SCAF4: variants seen among roughly 807,000 people sequenced by gnomAD.
SCAF4 encodes the protein SR-related CTD associated factor 4.
A neutral mutation model predicts 129.8 loss-of-function variants in SCAF4; 25 were observed. The ratio of observed to expected loss-of-function variants is 0.19; its 90% CI spans 0.14 to 0.27. The LOEUF (loss-of-function observed/expected upper bound fraction) is 0.27, where lower values mean the gene tolerates loss of function less well. Ranked by LOEUF, SCAF4 falls within the 10% of genes least tolerant of loss-of-function variation. SCAF4 has a pLI of 1.00. For synonymous variants in SCAF4, 551 were observed against 497.7 expected (o/e 1.11, Z -1.43); for missense variants, 1,246 against 1,457.1 (o/e 0.86, Z 2.36).
In SCAF4 at chr21:31,706,379, A is replaced by C. The variant is rs189660432; in HGVS notation, c.31-22T>G. The C allele has an allele frequency of 1.2e-5, 18 of 1,521,474 alleles. No individual in the cohort carries two copies. The East Asian group carries it at 1.8e-4, about 15-fold the overall frequency. 94.2% of individuals were successfully genotyped at this position (1,521,474 alleles called of 1,614,324 possible). A position where few individuals can be genotyped will look rare whatever the true frequency, so the allele number is the denominator to read the frequency against. On this transcript the variant is annotated intron_variant, in intron 1 of 19. Coordinates refer to ENST00000286835, the MANE Select transcript of SCAF4 (RefSeq NM_020706.2). ...AGAGCTTAAAAGACAAAAAACAAAC[A>C]AAAAGTAAAGTTTAACTATTTGGCT...
intron 19 of SCAF4, 33 bp from the exon 20 acceptor site, chr21:31,672,387 C>T (rs1180275307): frequency 6.7e-7 from 1 of 1,499,414 alleles, no homozygotes; most frequent in African/African-American, 1.4e-5. Flanking sequence ...ATGTAAACAC[C>T]ACCGAAGATG....
chr21:31,690,259 C>T lies in SCAF4; in HGVS notation c.1885+538G>A, dbSNP rs1333823737. ...CAACTCTATGGGAGGTCGAGGTGGG[C>T]GGATCATTTGAGGTCAGGAGTTCGA... On this transcript the variant is annotated intron_variant, in intron 15 of 19. Transcript: ENST00000286835. 5.3e-5 allele frequency among the ~76,000 whole-genome samples: 8 copies of T among 152,074 alleles called. No individual in the cohort carries two copies. The South Asian group carries it at 6.2e-4, about 12-fold the overall frequency.
Position 31,696,161 on chromosome 21 carries a change from C to CTGATCCATATTT in SCAF4, c.1008_1019dup (p.Asn337_Gln340dup). The CTGATCCATATTT allele has an allele frequency of 6.2e-7, 1 of 1,613,988 alleles. No individual in the cohort carries two copies. The highest frequency in any genetic ancestry group is 8.5e-7 in the Non-Finnish European group (1 of 1,179,962). ...GTATTCCCATCATTCGTGGCTGAAA[C>CTGATCCATATTT]TGATCCATATTTTGATGCTGTGTGT... is the stretch of plus-strand genomic sequence containing the variant. On this transcript the variant is annotated inframe_insertion, in exon 9 of 20. Transcript: ENST00000286835.
intron 1 of SCAF4, among the ~76,000 whole-genome samples, chr21:31,717,939 A>T (rs1423750683): frequency 7.1e-6 from 1 of 140,118 alleles, no homozygotes; most frequent in Admixed American, 6.9e-5. Context: ...ACACACACAC[A>T]CACACACATA....
rs933399605 is a variant in SCAF4, at chr21:31,714,362, C to T, written c.31-8005G>A. The stretch of plus-strand genomic sequence containing the variant: ...TCCTGCATAAAAATAACAACAGCCC[C>T]TCCAAATACAAGACTTCTTTAGAAG... On this transcript the variant is annotated intron_variant, in intron 1 of 19. Coordinates refer to ENST00000286835, the MANE Select transcript of SCAF4 (RefSeq NM_020706.2). Among the ~76,000 whole-genome samples the T allele has an allele frequency of 2.0e-5, 3 of 152,124 alleles. No individual in the cohort carries two copies. The South Asian group carries it at 6.2e-4, about 31-fold the overall frequency.
At chr21:31,713,889 A>T (rs2123645738) in intron 1 of SCAF4, among the ~76,000 whole-genome samples, 1 of 152,238 alleles carries the variant, frequency 6.6e-6, no homozygotes, top group East Asian at 1.9e-4. Context: ...TATGACCAAC[A>T]TCCAATTTCA....
chr21:31,726,731 C>T (rs973724878), intron 1 of SCAF4, among the ~76,000 whole-genome samples: 2 of 152,166 alleles, frequency 1.3e-5, no homozygotes, highest in African/African-American at 2.4e-5. Context: ...AATTCCTACA[C>T]ATGCGCACCA....
chr21:31,705,842 A>AT (rs1202208071), intron 2 of SCAF4, among the ~76,000 whole-genome samples: 1 of 152,168 alleles, frequency 6.6e-6, no homozygotes, highest in Admixed American at 6.5e-5. Context: ...TGGAGCTTGA[A>AT]TTTTTTCTCT....
intron 1 of SCAF4, among the ~76,000 whole-genome samples, chr21:31,728,807 C>T (rs780173716): frequency 5.9e-5 from 9 of 152,112 alleles, no homozygotes; most frequent in Non-Finnish European, 1.2e-4. Flanking sequence ...CAACTACTTG[C>T]CAAAAATTTC....
intron 19 of SCAF4, among the ~76,000 whole-genome samples, chr21:31,676,382 C>T (rs951535525): frequency 6.6e-6 from 1 of 152,184 alleles, no homozygotes; most frequent in East Asian, 1.9e-4. Context: ...TCATGCCTCA[C>T]AAGGCCCTTC....
rs1249526317 is a variant in SCAF4 at position 31,671,555 on chromosome 21, G to T, written c.3288C>A (p.Pro1096=). The change falls in exon 20 of 20, where the codon CCC becomes CCA. Residue 1096 remains proline, a synonymous_variant. Transcript: ENST00000286835. ...RAGGNKTVEP[P]ISQVGNVDTA... is the part of the protein sequence containing the mutation. ...TGTCTACATTTCCCACTTGGCTAATGGGAGGTTCAACGGTTTTGTTACCAC... is the reference window on the plus strand; with the variant it reads ...TGTCTACATTTCCCACTTGGCTAATTGGAGGTTCAACGGTTTTGTTACCAC... 3 of 1,614,126 alleles carry T rather than the reference G, an allele frequency of 1.9e-6. No individual in the cohort carries two copies. The African/African-American group carries it at 4.0e-5, about 22-fold the overall frequency.
chr21:31,701,032 G>A lies in SCAF4; in HGVS notation c.740C>T (p.Ala247Val). Residue 247 changes from alanine (A) to valine (V), a missense_variant, in exon 7 of 20, where the codon GCT (alanine) becomes GTT (valine). Physicochemically the swap from Ala to Val is moderately conservative, Grantham distance 64 (BLOSUM62 0). This residue lies in a region of SCAF4 where 143 missense variants were observed against 161.0 expected (regional missense o/e 0.89). Transcript: ENST00000286835. ...TPTQPSEQKA[A>V]FPPPEQKTAF... is the part of the protein sequence containing the mutation. ...AGTTTTCTGTTCAGGTGGGGGGAAA[G>A]CAGCTTTTTGTTCAGATGGTTGTGT... The A allele has an allele frequency of 1.2e-6, 2 of 1,614,120 alleles. No homozygotes were observed.
chr21:31,673,414 T>C (rs981229410), intron 19 of SCAF4, among the ~76,000 whole-genome samples: 3 of 134,416 alleles, frequency 2.2e-5, no homozygotes, highest in African/African-American at 9.4e-5. Flanking sequence ...TTATGGGTTA[T>C]GATCAGTTAG....
intron 3 of SCAF4, among the ~76,000 whole-genome samples, chr21:31,704,413 C>A (rs1240534259): frequency 6.6e-6 from 1 of 151,756 alleles, no homozygotes; most frequent in Non-Finnish European, 1.5e-5. Context: ...AGCAGAGAAA[C>A]AGACACCTAT....
At chr21:31,726,375 A>G (rs962128332) in intron 1 of SCAF4, among the ~76,000 whole-genome samples, 2 of 152,174 alleles carry the variant, frequency 1.3e-5, no homozygotes, top group African/African-American at 4.8e-5. Context: ...ATTTAAAAGG[A>G]TCTAGCCAGG....
chr21:31,698,595 GAGA>G (rs1437884984), intron 7 of SCAF4, among the ~76,000 whole-genome samples: 1 of 152,124 alleles, frequency 6.6e-6, no homozygotes, highest in East Asian at 1.9e-4. Flanking sequence ...TTTTTTAGAT[GAGA>G]AGGTGTTTTT....
intron 16 of SCAF4, 64 bp from the exon 17 acceptor site, chr21:31,685,797 C>T (rs2050107925): frequency 6.9e-7 from 1 of 1,445,240 alleles, no homozygotes; most frequent in Non-Finnish European, 9.3e-7. Context: ...ACAGTAAGCA[C>T]AGATAAAAGA....
chr21:31,686,495 A>G (rs1444014280), intron 16 of SCAF4, among the ~76,000 whole-genome samples: 1 of 152,218 alleles, frequency 6.6e-6, no homozygotes, highest in Non-Finnish European at 1.5e-5. Flanking sequence ...AAATTCTCTA[A>G]AACGGCAAAG....
chr21:31,699,687 G>T (rs990989096), intron 7 of SCAF4, among the ~76,000 whole-genome samples: 2 of 152,094 alleles, frequency 1.3e-5, no homozygotes, highest in Admixed American at 1.3e-4. Context: ...ATGTTGGAAA[G>T]AATCAGATAT....
Sources: allele counts gnomAD v4.1 joint callset (sites outside exome capture counted in the v4.1 genomes callset), GRCh38; gene constraint gnomAD v4.1.1; regional missense constraint gnomAD v4.1.1; transcripts MANE v1.5; gene names NCBI Gene and HGNC (gene_info 2026-07-23, HGNC 2026-07-21).